DCC: variants seen among roughly 807,000 people sequenced by gnomAD.
DCC encodes DCC netrin 1 receptor.
In DCC, 58 loss-of-function variants were observed where a neutral mutation model predicts 172.5. That is an observed-to-expected ratio of 0.34 (90% CI 0.27 to 0.42). DCC has a LOEUF of 0.42. Ranked by LOEUF, DCC falls within the 10% of genes least tolerant of loss-of-function variation. DCC has a pLI of 1.00. For missense variants in DCC, 1,740 were observed against 1,791.0 expected (o/e 0.97, Z 0.51); for synonymous variants, 709 against 644.5 (o/e 1.10, Z -1.52).
intron 12 of DCC, among the ~76,000 whole-genome samples, chr18:53,274,705 G>C (rs1266610033): frequency 6.6e-6 from 1 of 152,084 alleles, no homozygotes; most frequent in Non-Finnish European, 1.5e-5. Flanking sequence ...TTTATTTCTT[G>C]GTTTTATTCA....
In DCC at chr18:52,646,456, C is replaced by T. The variant is rs538356338; in HGVS notation, c.92-105598C>T. 3.9e-5 allele frequency among the ~76,000 whole-genome samples: 6 copies of T among 152,184 alleles called. No homozygotes were observed. The South Asian group carries it at 1.0e-3, about 26-fold the overall frequency. ...ACTAATACCTGGATTTAGCACAGAT[C>T]CCACAGGGTAAGGGTTTGGTCCCAC... On this transcript the variant is annotated intron_variant, in intron 1 of 28. Transcript: ENST00000442544.
intron 1 of DCC, among the ~76,000 whole-genome samples, chr18:52,353,953 C>T (rs1984245189): frequency 6.6e-6 from 1 of 152,134 alleles, no homozygotes; most frequent in African/African-American, 2.4e-5. Flanking sequence ...GATGAACTGC[C>T]TCTCAGCGAA....
intron 1 of DCC, among the ~76,000 whole-genome samples, chr18:52,467,619 C>A (rs1295239655): frequency 6.6e-6 from 1 of 152,178 alleles, no homozygotes; most frequent in Non-Finnish European, 1.5e-5. Context: ...TGAGGAATCA[C>A]CACACTGTCT....
At chr18:52,810,086 A>T (rs889041532) in intron 2 of DCC, among the ~76,000 whole-genome samples, 3 of 151,770 alleles carry the variant, frequency 2.0e-5, no homozygotes, top group Admixed American at 6.6e-5. Context: ...ACCAAAAAAA[A>T]AAATATATTC....
intron 1 of DCC, among the ~76,000 whole-genome samples, chr18:52,502,592 A>G (rs1279950115): frequency 6.6e-6 from 1 of 152,202 alleles, no homozygotes; most frequent in Non-Finnish European, 1.5e-5. Flanking sequence ...CATCCATTAC[A>G]CAGGAGTAAA....
intron 5 of DCC, among the ~76,000 whole-genome samples, chr18:52,978,854 T>TGACTTCCA: frequency 6.6e-6 from 1 of 152,174 alleles, no homozygotes; most frequent in East Asian, 1.9e-4. Context: ...CTTAGAGTAA[T>TGACTTCCA]GACTTCCAGC....
chr18:53,225,659 G>A (rs1297171019), intron 12 of DCC, among the ~76,000 whole-genome samples: 1 of 152,084 alleles, frequency 6.6e-6, no homozygotes, highest in Non-Finnish European at 1.5e-5. Flanking sequence ...GGAAAAAGGT[G>A]GAAAATGGTT....
intron 1 of DCC, among the ~76,000 whole-genome samples, chr18:52,545,662 T>A (rs1051508546): frequency 1.3e-5 from 2 of 152,296 alleles, no homozygotes; most frequent in Middle Eastern, 3.4e-3. Context: ...GTTATTGTAA[T>A]AAGGGTCATC....
chr18:53,345,753 A>G (rs1378027016), intron 15 of DCC, among the ~76,000 whole-genome samples: 1 of 142,230 alleles, frequency 7.0e-6, no homozygotes, highest in Non-Finnish European at 1.6e-5. Context: ...AGAATTCCGC[A>G]TTGACAGATT....
At chr18:53,198,447 C>G (rs1598897608) in intron 9 of DCC, among the ~76,000 whole-genome samples, 1 of 151,692 alleles carries the variant, frequency 6.6e-6, no homozygotes, top group Admixed American at 6.6e-5. Flanking sequence ...CTCTCTCTCT[C>G]TCTCTCTCAC....
At chr18:53,040,801 CAG>C (rs774184333) in intron 5 of DCC, among the ~76,000 whole-genome samples, 1 of 151,838 alleles carries the variant, frequency 6.6e-6, no homozygotes, top group African/African-American at 2.4e-5. Flanking sequence ...AGAAAGGAGA[CAG>C]AGTCTGAAAA....
chr18:52,373,209 GT>G (rs925624259), intron 1 of DCC, among the ~76,000 whole-genome samples: 2 of 151,918 alleles, frequency 1.3e-5, no homozygotes, highest in African/African-American at 4.8e-5. Flanking sequence ...TGGCCATACA[GT>G]TTTTTTTCCA....
At chr18:52,857,642 T>C (rs915577980) in intron 2 of DCC, among the ~76,000 whole-genome samples, 7 of 152,138 alleles carry the variant, frequency 4.6e-5, no homozygotes, top group Non-Finnish European at 8.8e-5. Context: ...CTGTGAATAA[T>C]CACTAATGAG....
chr18:53,468,061 A>G (rs1274455863), intron 25 of DCC, 51 bp downstream of exon 25: 11 of 895,686 alleles, frequency 1.2e-5, no homozygotes, highest in East Asian at 9.6e-5. Flanking sequence ...TTCTGTATGT[A>G]TCTTTTCTAT....
chr18:53,426,984 C>T (rs770907450), intron 21 of DCC, among the ~76,000 whole-genome samples: 17 of 152,062 alleles, frequency 1.1e-4, no homozygotes, highest in Non-Finnish European at 1.5e-4. Context: ...CTCTTCTTCC[C>T]GGGATGCTTG....
At chr18:52,826,693 A>T (rs1598843308) in intron 2 of DCC, among the ~76,000 whole-genome samples, 1 of 151,796 alleles carries the variant, frequency 6.6e-6, no homozygotes, top group African/African-American at 2.4e-5. Context: ...TGCCCAGGCT[A>T]CTCTCGAACT....
chr18:52,587,084 G>A (rs950666294), intron 1 of DCC, among the ~76,000 whole-genome samples: 1 of 152,222 alleles, frequency 6.6e-6, no homozygotes, highest in African/African-American at 2.4e-5. Flanking sequence ...GTGTATTCCA[G>A]TGAGGACAAA....
chr18:53,292,111 C>T (rs1250864562), intron 12 of DCC, among the ~76,000 whole-genome samples: 2 of 71,604 alleles, frequency 2.8e-5, no homozygotes, highest in African/African-American at 9.0e-5. Context: ...TCTTTGAGCT[C>T]CACCCCCCCC....
chr18:52,572,802 G>A (rs1208891822), intron 1 of DCC, among the ~76,000 whole-genome samples: 3 of 152,168 alleles, frequency 2.0e-5, no homozygotes, highest in Non-Finnish European at 2.9e-5. Flanking sequence ...CTTACATTAG[G>A]AATAATTGAA....
Sources: gnomAD v4.1 joint callset for allele counts (sites outside exome capture counted in the v4.1 genomes callset) on GRCh38, gnomAD v4.1.1 for gene constraint, MANE v1.5 for transcripts, NCBI Gene and HGNC (gene_info 2026-07-23, HGNC 2026-07-21) for gene names.